CELF2: variants seen among roughly 807,000 people sequenced by gnomAD.
The protein encoded by CELF2 is CUG triplet repeat RNA-binding protein 2.
A neutral mutation model predicts 62.6 loss-of-function variants in CELF2; 8 were observed. The observed-to-expected ratio is 0.13, with a 90% CI of 0.07 to 0.23. The LOEUF (loss-of-function observed/expected upper bound fraction) is 0.23, where lower values mean the gene tolerates loss of function less well. Among genes scored for constraint, CELF2 ranks in the 10% least tolerant of loss-of-function variants. CELF2 has a pLI of 1.00. For synonymous variants in CELF2, 258 were observed against 250.0 expected (o/e 1.03, Z -0.30); for missense variants, 333 against 671.0 (o/e 0.50, Z 5.56).
chr10:10,562,955 T>C, the CELF2 span, among the ~76,000 whole-genome samples: 1 of 151,636 alleles, frequency 6.6e-6, no homozygotes, highest in Non-Finnish European at 1.5e-5. Context: ...GGAACAAAGA[T>C]AAAGGGACAG....
chr10:10,822,883 A>G (rs1454375254), intron 1 of CELF2, among the ~76,000 whole-genome samples: 1 of 152,212 alleles, frequency 6.6e-6, no homozygotes, highest in Non-Finnish European at 1.5e-5. Context: ...TAGCTTACCC[A>G]GGACTAATGC....
chr10:11,275,540 G>A (rs1192177032), intron 8 of CELF2, among the ~76,000 whole-genome samples: 3 of 152,134 alleles, frequency 2.0e-5, no homozygotes, highest in Non-Finnish European at 2.9e-5. Flanking sequence ...TCTGACCTCC[G>A]TAATGAAAGC....
At chr10:10,906,419 G>C (rs2063343409) in intron 1 of CELF2, among the ~76,000 whole-genome samples, 1 of 152,206 alleles carries the variant, frequency 6.6e-6, no homozygotes, top group Admixed American at 6.5e-5. Context: ...TGTTACAAAA[G>C]CACCCAAGCT....
intron 2 of CELF2, among the ~76,000 whole-genome samples, chr10:11,181,282 C>T (rs762504543): frequency 2.0e-5 from 3 of 152,208 alleles, no homozygotes; most frequent in African/African-American, 7.2e-5. Flanking sequence ...GCACATCTCT[C>T]TGCCTGCTGT....
At chr10:10,631,452 A>G in the CELF2 span, among the ~76,000 whole-genome samples, 1 of 152,218 alleles carries the variant, frequency 6.6e-6, no homozygotes, top group African/African-American at 2.4e-5. Flanking sequence ...TATTAGCTTG[A>G]GAAAATTCCA....
chr10:10,631,746 G>A, the CELF2 span, among the ~76,000 whole-genome samples: 4 of 151,764 alleles, frequency 2.6e-5, no homozygotes, highest in African/African-American at 9.7e-5. Context: ...AATTTCCCTA[G>A]CATACATGAG....
chr10:10,649,174 T>A, the CELF2 span, among the ~76,000 whole-genome samples: 2 of 152,206 alleles, frequency 1.3e-5, no homozygotes, highest in African/African-American at 4.8e-5. Context: ...CAGCACACAT[T>A]TACATACTCT....
chr10:11,126,224 G>A (rs1347715881), intron 1 of CELF2, among the ~76,000 whole-genome samples: 1 of 152,100 alleles, frequency 6.6e-6, no homozygotes, highest in Non-Finnish European at 1.5e-5. Context: ...AGCATTTTCA[G>A]CAATAACCAA....
At chr10:11,133,523 A>C (rs1290717304) in intron 1 of CELF2, among the ~76,000 whole-genome samples, 1 of 152,262 alleles carries the variant, frequency 6.6e-6, no homozygotes, top group African/African-American at 2.4e-5. Context: ...AAAGTTGTAC[A>C]TACGTATACA....
the CELF2 span, among the ~76,000 whole-genome samples, chr10:10,778,663 G>A: frequency 1.3e-5 from 2 of 152,026 alleles, no homozygotes; most frequent in Admixed American, 1.3e-4. Context: ...ACCTTTTGCT[G>A]GCTAATAGCA....
chr10:10,676,960 G>C, the CELF2 span, among the ~76,000 whole-genome samples: 1 of 152,088 alleles, frequency 6.6e-6, no homozygotes, highest in African/African-American at 2.4e-5. Context: ...TATTCTAAGG[G>C]CTAGATGAAC....
the CELF2 span, among the ~76,000 whole-genome samples, chr10:10,702,908 A>G: frequency 1.3e-5 from 2 of 152,288 alleles, no homozygotes; most frequent in African/African-American, 2.4e-5. Context: ...TAACAATTTT[A>G]TTTCTCTGGC....
chr10:11,118,946 C>G (rs2057147188), intron 1 of CELF2, among the ~76,000 whole-genome samples: 1 of 152,172 alleles, frequency 6.6e-6, no homozygotes, highest in African/African-American at 2.4e-5. Context: ...TGGAGGAGCC[C>G]TGCTCCCCTG....
the CELF2 span, among the ~76,000 whole-genome samples, chr10:10,589,561 G>A: frequency 6.6e-6 from 1 of 152,130 alleles, no homozygotes; most frequent in Non-Finnish European, 1.5e-5. Flanking sequence ...TCTGAGCTAG[G>A]TAGCTGTGGC....
the CELF2 span, among the ~76,000 whole-genome samples, chr10:10,566,759 T>C: frequency 6.6e-6 from 1 of 152,122 alleles, no homozygotes; most frequent in Non-Finnish European, 1.5e-5. Context: ...AGCTGAATTC[T>C]ATGCTGAGTC....
At chr10:11,031,372 C>T (rs557110608) in intron 1 of CELF2, among the ~76,000 whole-genome samples, 4 of 152,344 alleles carry the variant, frequency 2.6e-5, no homozygotes, top group Admixed American at 2.0e-4. Flanking sequence ...AGGATCATTA[C>T]ACTTTCAGCC....
chr10:10,979,618 CCAAGATCATGCCACTGCACT>C (rs2051806946), intron 2 of CELF2, among the ~76,000 whole-genome samples: 1 of 146,142 alleles, frequency 6.8e-6, no homozygotes, highest in Non-Finnish European at 1.5e-5. Context: ...TTGCAGTAAG[CCAAGATCATGCCACTGCACT>C]CCAGCCTGGG....
chr10:11,241,371 T>C (rs1476343551), intron 3 of CELF2, among the ~76,000 whole-genome samples: 1 of 152,188 alleles, frequency 6.6e-6, no homozygotes, highest in Non-Finnish European at 1.5e-5. Context: ...AGCTAATTTT[T>C]GTATTTTTAG....
chr10:10,819,138 G>T (rs1376388028), intron 1 of CELF2, among the ~76,000 whole-genome samples: 1 of 152,210 alleles, frequency 6.6e-6, no homozygotes, highest in Non-Finnish European at 1.5e-5. Context: ...ACATGGGAAT[G>T]ATAGCTGTTC....
Sources: allele counts gnomAD v4.1 joint callset (sites outside exome capture counted in the v4.1 genomes callset), GRCh38; gene constraint gnomAD v4.1.1; transcripts MANE v1.5; gene names NCBI Gene and HGNC (gene_info 2026-07-23, HGNC 2026-07-21).